The following PPT1 variants were observed in gnomAD, a reference collection of about 807,000 sequenced individuals.
The protein encoded by PPT1 is palmitoyl-protein thioesterase 1.
Under a neutral mutation model 44.0 loss-of-function variants are expected in PPT1, and 24 were observed. The ratio of observed to expected loss-of-function variants is 0.54; its 90% CI spans 0.39 to 0.77. The LOEUF (loss-of-function observed/expected upper bound fraction) is 0.77. Among genes scored for constraint, PPT1 ranks in the 30% least tolerant of loss-of-function variants. The pLI is 0.00. For synonymous variants in PPT1, 148 were observed against 140.2 expected (o/e 1.06, Z -0.39); for missense variants, 341 against 378.8 (o/e 0.90, Z 0.83).
chr1:40,086,050 G>C (rs1195689571), intron 5 of PPT1, among the ~76,000 whole-genome samples: 2 of 152,240 alleles, frequency 1.3e-5, no homozygotes, highest in East Asian at 3.8e-4. Context: ...GAGATCCACT[G>C]AGGGTGGGGT....
chr1:40,094,567 A>G (rs140038845), intron 1 of PPT1, among the ~76,000 whole-genome samples: 2 of 152,236 alleles, frequency 1.3e-5, no homozygotes, highest in East Asian at 3.9e-4. Context: ...GTGCCTCCTT[A>G]AATTTGCACT....
At chr1:40,087,162 T>C (rs1649305235) in intron 5 of PPT1, among the ~76,000 whole-genome samples, 1 of 152,096 alleles carries the variant, frequency 6.6e-6, no homozygotes, top group South Asian at 2.1e-4. Context: ...TTTATCACTT[T>C]TTATTCTTCT....
At chr1:40,086,668 C>T (rs1009549889) in intron 5 of PPT1, among the ~76,000 whole-genome samples, 1 of 152,150 alleles carries the variant, frequency 6.6e-6, no homozygotes, top group Non-Finnish European at 1.5e-5. Flanking sequence ...CAAAGAGAGT[C>T]TAGCCTCAGA....
intron 8 of PPT1, 107 bp from the exon 9 acceptor site, chr1:40,074,290 G>T (rs1557705089): frequency 9.2e-6 from 13 of 1,405,700 alleles, no homozygotes; most frequent in Non-Finnish European, 1.2e-5. Context: ...TTTGTCCTGA[G>T]TATTAAAATT....
rs553966365 is a variant in PPT1, at chr1:40,074,689, G to C, written c.799-506C>G. On this transcript the variant is annotated intron_variant, in intron 8 of 8. Transcript: ENST00000642050. ...TCACTGTGTTAGCTAGGATGGTCTT[G>C]ATCTCCTGACCTCAGGTGATCCACG... Among the ~76,000 whole-genome samples the C allele has an allele frequency of 1.1e-4, 17 of 152,082 alleles. No individual in the cohort carries two copies. The East Asian group carries it at 3.3e-3, about 30-fold the overall frequency.
intron 5 of PPT1, among the ~76,000 whole-genome samples, chr1:40,087,652 A>C (rs1022890451): frequency 6.6e-6 from 1 of 152,120 alleles, no homozygotes; most frequent in Non-Finnish European, 1.5e-5. Context: ...AAGAAAGAAA[A>C]GTATAGGCGT....
Position 40,079,392 on chromosome 1 carries a change from CTTTTT to C in PPT1, c.628-739_628-735del, listed in dbSNP as rs11464192. Among the ~76,000 whole-genome samples, 837 of 90,102 alleles carry C rather than the reference CTTTTT, an allele frequency of 9.3e-3. 2 individuals carry two copies. The highest frequency in any genetic ancestry group is 0.013 in the Non-Finnish European group (646 of 50,644). The allele number at this position is 90,102 out of a possible 152,430, so 59.1% of individuals were successfully genotyped here. ...ATTGCTTACACAGCCTTTTCTTTTC[CTTTTT>C]TTTTTTTTTTTTTTTTTGAGATGGA... On this transcript the variant is annotated intron_variant, in intron 6 of 8. Transcript: ENST00000642050.
rs148020965 is a variant in PPT1, at chr1:40,082,754, G to A, written c.537-2267C>T. 4.4e-3 allele frequency among the ~76,000 whole-genome samples: 663 copies of A among 152,378 alleles called. 2 individuals are homozygous for A. The highest frequency in any genetic ancestry group is 0.015 in the African/African-American group (626 of 41,592). Reference sequence around the variant, plus strand: ...AGCAAGTGCTGATGTAGAAGCTGCAGTAAGTTATCCAGGAGATCTAGCTAA... The same window carrying A: ...AGCAAGTGCTGATGTAGAAGCTGCAATAAGTTATCCAGGAGATCTAGCTAA... On this transcript the variant is annotated intron_variant, in intron 5 of 8. Coordinates refer to ENST00000642050, the MANE Select transcript of PPT1 (RefSeq NM_000310.4).
intron 1 of PPT1, among the ~76,000 whole-genome samples, chr1:40,094,955 A>C (rs1017263286): frequency 3.9e-5 from 6 of 152,244 alleles, no homozygotes; most frequent in African/African-American, 1.4e-4. Context: ...CTGTTGGAGA[A>C]CCTTGCAAGT....
Position 40,074,007 on chromosome 1 carries a change from T to G in PPT1, c.*54A>C. 1 of 1,608,192 alleles carries G rather than the reference T, an allele frequency of 6.2e-7. No homozygotes were observed. Among genetic ancestry groups the G allele is most frequent in the South Asian group, 1.1e-5 (1 of 90,890 alleles). Reference sequence around the variant, plus strand: ...TGGGCATGAAGGAAACTGTCTCCCATGTGGTTTGGAAGAGTTAGGGGCTCC... The same window carrying G: ...TGGGCATGAAGGAAACTGTCTCCCAGGTGGTTTGGAAGAGTTAGGGGCTCC... On this transcript the variant is annotated 3_prime_UTR_variant, in exon 9 of 9. Transcript: ENST00000642050.
chr1:40,096,337 T>G (rs1228785585), intron 1 of PPT1, among the ~76,000 whole-genome samples: 1 of 152,188 alleles, frequency 6.6e-6, no homozygotes, highest in Non-Finnish European at 1.5e-5. Context: ...GAACAAAGAA[T>G]TTAGTCTGTT....
chr1:40,090,845 CA>C (rs11341702), intron 4 of PPT1, among the ~76,000 whole-genome samples: 121,001 of 152,110 alleles, frequency 0.8, 48,243 homozygotes, highest in East Asian at 0.88. Flanking sequence ...CTATACCCAT[CA>C]ACAACAGAGA....
intron 3 of PPT1, 84 bp from the exon 4 acceptor site, chr1:40,091,483 T>C: frequency 7.9e-7 from 1 of 1,264,530 alleles, no homozygotes. Context: ...AAGCTAGTCA[T>C]CCTCTGTGAC....
chr1:40,072,236 G>C, downstream of PPT1: 1 of 348,608 alleles, frequency 2.9e-6, no homozygotes, highest in Non-Finnish European at 4.9e-6. Context: ...CCTTCCTATA[G>C]AGATGACTTT....
Position 40,097,234 on chromosome 1 carries a change from G to C in PPT1, c.5C>G (p.Ala2Gly). The change falls in exon 1 of 9, where the codon GCG (alanine) becomes GGG (glycine). Residue 2 changes from alanine (A) to glycine (G), a missense_variant. Physicochemically the swap from Ala to Gly is moderately conservative, Grantham distance 60 (BLOSUM62 0). Coordinates refer to ENST00000642050, the MANE Select transcript of PPT1 (RefSeq NM_000310.4). M[A>G]SPGCLWLLAV... ...CAAGAGCCACAGGCAGCCGGGCGAC[G>C]CCATCTTCGCTGTGTCACATGACCG... 1 of 1,613,840 alleles carries C rather than the reference G, an allele frequency of 6.2e-7. No homozygotes were observed. Among genetic ancestry groups the C allele is most frequent in the Non-Finnish European group, 8.5e-7 (1 of 1,179,854 alleles).
intron 8 of PPT1, chr1:40,075,192 G>A (rs1484553337): frequency 6.6e-6 from 1 of 152,330 alleles, no homozygotes; most frequent in African/African-American, 2.4e-5. Context: ...GGAGGCGGAG[G>A]TTGCAGTGAG....
intron 1 of PPT1, among the ~76,000 whole-genome samples, chr1:40,093,481 C>T (rs4660381): frequency 0.84 from 128,427 of 152,158 alleles, 54,462 homozygotes; most frequent in Non-Finnish European, 0.89. Context: ...GCCACTGAAT[C>T]GTACCATTTT....
chr1:40,091,139 C>G (rs1649540399), intron 4 of PPT1, among the ~76,000 whole-genome samples, 190 bp downstream of exon 4: 1 of 152,220 alleles, frequency 6.6e-6, no homozygotes, highest in Non-Finnish European at 1.5e-5. Flanking sequence ...ACCTAGTGAT[C>G]CAGGCCTCTG....
chr1:40,078,085 C>T (rs545010092), intron 7 of PPT1, among the ~76,000 whole-genome samples: 1 of 152,316 alleles, frequency 6.6e-6, no homozygotes, highest in African/African-American at 2.4e-5. Flanking sequence ...TTACAATCTT[C>T]AGTGTCCCAT....
Sources: gnomAD v4.1 joint callset for allele counts (sites outside exome capture counted in the v4.1 genomes callset) on GRCh38, gnomAD v4.1.1 for gene constraint, MANE v1.5 for transcripts, NCBI Gene and HGNC (gene_info 2026-07-23, HGNC 2026-07-21) for gene names.